The following CCDC141 variants were observed in gnomAD, a reference collection of about 807,000 sequenced individuals.
The protein encoded by CCDC141 is coiled-coil domain-containing protein 141.
Under a neutral mutation model 181.0 loss-of-function variants are expected in CCDC141, and 168 were observed. That is an observed-to-expected ratio of 0.93 (90% CI 0.82 to 1.05). CCDC141 has a LOEUF of 1.05. Among genes scored for constraint, CCDC141 ranks in the 50% least tolerant of loss-of-function variants. CCDC141 has a pLI of 0.00. For synonymous variants in CCDC141, 666 were observed against 642.3 expected (o/e 1.04, Z -0.56); for missense variants, 1,902 against 1,788.5 (o/e 1.06, Z -1.14).
chr2:178,903,816 T>C (rs1338459198), intron 8 of CCDC141, among the ~76,000 whole-genome samples: 3 of 151,378 alleles, frequency 2.0e-5, no homozygotes, highest in Non-Finnish European at 3.0e-5. Flanking sequence ...CCAGGGAACA[T>C]GCCGCAAGCA....
At chr2:179,008,121 T>C (rs2042164675) in intron 2 of CCDC141, among the ~76,000 whole-genome samples, 2 of 152,206 alleles carry the variant, frequency 1.3e-5, no homozygotes, top group South Asian at 4.2e-4. Context: ...CTGCTGAAAG[T>C]CTGAATAAAT....
At chr2:179,035,872 CAGG>C (rs1276969960) in intron 2 of CCDC141, among the ~76,000 whole-genome samples, 1 of 152,208 alleles carries the variant, frequency 6.6e-6, no homozygotes, top group African/African-American at 2.4e-5. Flanking sequence ...TCCCACTTCT[CAGG>C]AGGAGACATT....
intron 2 of CCDC141, among the ~76,000 whole-genome samples, chr2:178,987,455 A>T (rs1372053360): frequency 6.6e-6 from 1 of 152,210 alleles, no homozygotes; most frequent in Non-Finnish European, 1.5e-5. Flanking sequence ...AACAAAAGCC[A>T]AAATTGACAA....
In CCDC141 at chr2:178,868,062, G is replaced by C. The variant is rs553756414; in HGVS notation, c.2538C>G (p.Ser846=). ...RVDHLHRLAL[S]LGVDIISSVQ... is the part of the protein sequence containing the mutation. Reference sequence around the variant, plus strand: ...CTGATGAGATGATGTCGACTCCTAAGGAAAGGGCCAGTCTGTGGAGATGGT... The same window carrying C: ...CTGATGAGATGATGTCGACTCCTAACGAAAGGGCCAGTCTGTGGAGATGGT... Residue 846 remains serine, a synonymous_variant, in exon 16 of 24, where the codon TCC becomes TCG. Coordinates refer to ENST00000443758, the MANE Select transcript of CCDC141 (RefSeq NM_173648.4). 1 of 1,613,996 alleles carries C rather than the reference G, an allele frequency of 6.2e-7. No individual in the cohort carries two copies. The highest frequency in any genetic ancestry group is 1.7e-5 in the Admixed American group (1 of 60,008).
intron 22 of CCDC141, among the ~76,000 whole-genome samples, chr2:178,838,563 A>T (rs972296178): frequency 1.3e-5 from 2 of 152,190 alleles, no homozygotes; most frequent in African/African-American, 4.8e-5. Context: ...AAAAATATTT[A>T]TTGAGCACCT....
In CCDC141 at chr2:178,837,054, G is replaced by A. The variant is rs749439131; in HGVS notation, c.4165C>T (p.Arg1389Ter). Residue 1389 changes from arginine to a stop codon, truncating the protein, a stop_gained, in exon 23 of 24, where the codon CGA (arginine) becomes TGA (stop). Coordinates refer to ENST00000443758, the MANE Select transcript of CCDC141 (RefSeq NM_173648.4). LOFTEE classifies it high-confidence loss of function. ...GCTGATGTGCTTTTAATCTCTTCTC[G>A]AGGAACCATTTGCCTCTGATAGCCC... is the stretch of plus-strand genomic sequence containing the variant. ...SRGYQRQMVP[R>*]EEIKSTSAKS... The A allele has an allele frequency of 9.9e-6, 16 of 1,613,850 alleles. No homozygotes were observed. Among genetic ancestry groups the A allele is most frequent in the African/African-American group, 4.0e-5 (3 of 74,922 alleles).
chr2:178,850,079 C>G lies in CCDC141; in HGVS notation c.3327G>C (p.Glu1109Asp), dbSNP rs1266066439. The change falls in exon 21 of 24, where the codon GAG becomes GAC. Residue 1109 changes from glutamate (E) to aspartate (D), a missense_variant. Glu to Asp is a conservative substitution (Grantham distance 45, BLOSUM62 2). Transcript: ENST00000443758. ...GTTTTTCTTCGAGCTCTGTGAGGGA[C>G]TCACATAATTCAGTCACAGATTCAA... ...EVLESVTELCESLTELEEKLK... is the reference protein window; with the variant it reads ...EVLESVTELCDSLTELEEKLK... 6.2e-7 allele frequency: 1 copy of G among 1,605,618 alleles called. No homozygotes were observed.
rs1399634671 is a variant in CCDC141, at chr2:178,833,162, A to AT, written c.*1010dup. The AT allele has an allele frequency of 6.6e-6, 1 of 152,190 alleles. No individual in the cohort carries two copies. Among genetic ancestry groups the AT allele is most frequent in the East Asian group, 1.9e-4 (1 of 5,196 alleles). 9.4% of individuals were successfully genotyped at this position (152,190 alleles called of 1,614,324 possible). On this transcript the variant is annotated 3_prime_UTR_variant, in exon 24 of 24. Coordinates refer to ENST00000443758, the MANE Select transcript of CCDC141 (RefSeq NM_173648.4). ...ATTACATATTAACAGCACTCCTTTA[A>AT]TTTAATATTCTAAAAAAACAGCATC...
intron 2 of CCDC141, among the ~76,000 whole-genome samples, chr2:179,025,717 G>A (rs757468526): frequency 1.2e-4 from 19 of 152,236 alleles, no homozygotes; most frequent in Non-Finnish European, 2.5e-4. Context: ...ACAGGCAGGG[G>A]TTGGAAGAGT....
chr2:179,044,400 A>C (rs1051570329), intron 2 of CCDC141, among the ~76,000 whole-genome samples: 3 of 152,232 alleles, frequency 2.0e-5, no homozygotes, highest in African/African-American at 7.2e-5. Context: ...ACCCAACTTC[A>C]AACTATACTA....
At chr2:179,022,329 C>A (rs1017006928) in intron 2 of CCDC141, among the ~76,000 whole-genome samples, 1 of 152,162 alleles carries the variant, frequency 6.6e-6, no homozygotes, top group Non-Finnish European at 1.5e-5. Context: ...AAGAGAATAA[C>A]ACATTCCCTA....
the CCDC141 span, among the ~76,000 whole-genome samples, chr2:178,821,794 C>T: frequency 6.6e-6 from 1 of 152,186 alleles, no homozygotes; most frequent in African/African-American, 2.4e-5. Flanking sequence ...AATAGGAACA[C>T]TTTTACACTG....
chr2:178,905,333 A>G lies in CCDC141; in HGVS notation c.1261T>C (p.Cys421Arg). ...GQTLISQVDS[C>R]SSQVSGIHEM... ...AAAGAAATCAACTTTACTCACCTGC[A>G]GGAGTCTACTTGGCTGATTAAGGTT... Residue 421 changes from cysteine (C) to arginine (R), a missense_variant, in exon 8 of 24, where the codon TGC (cysteine) becomes CGC (arginine). Coordinates refer to ENST00000443758, the MANE Select transcript of CCDC141 (RefSeq NM_173648.4). 1 of 1,546,612 alleles carries G rather than the reference A, an allele frequency of 6.5e-7. No individual in the cohort carries two copies. Among genetic ancestry groups the G allele is most frequent in the Non-Finnish European group, 8.7e-7 (1 of 1,145,680 alleles).
chr2:178,925,631 G>T (rs955097557), intron 6 of CCDC141, among the ~76,000 whole-genome samples: 3 of 152,088 alleles, frequency 2.0e-5, no homozygotes, highest in African/African-American at 4.8e-5. Flanking sequence ...TTAGTGTCTT[G>T]TCCCTGTTTT....
intron 17 of CCDC141, among the ~76,000 whole-genome samples, chr2:178,858,881 C>T (rs1685492418): frequency 6.6e-6 from 1 of 152,084 alleles, no homozygotes. Flanking sequence ...TGGGAAAGTT[C>T]AATGTCTATT....
At chr2:178,875,975 T>G (rs79724244) in intron 12 of CCDC141, 1 of 152,186 alleles carries the variant, frequency 6.6e-6, no homozygotes, top group Non-Finnish European at 1.5e-5. Context: ...TCTTTTTTTT[T>G]GCAGTAAAGC....
At chr2:178,908,567 AC>A (rs1347722845) in intron 7 of CCDC141, among the ~76,000 whole-genome samples, 2 of 152,090 alleles carry the variant, frequency 1.3e-5, no homozygotes, top group African/African-American at 4.8e-5. Context: ...CCCTTAAATC[AC>A]CCTTAAAGTT....
chr2:179,045,190 G>A (rs1223025201), intron 2 of CCDC141, among the ~76,000 whole-genome samples: 2 of 141,126 alleles, frequency 1.4e-5, no homozygotes. Flanking sequence ...AGTCCCCAGA[G>A]TGTGATGTTC....
intron 2 of CCDC141, among the ~76,000 whole-genome samples, chr2:178,986,180 G>C (rs1559029220): frequency 6.6e-6 from 1 of 152,158 alleles, no homozygotes; most frequent in Admixed American, 6.5e-5. Flanking sequence ...ATCAATAAAT[G>C]TCATCCAGCA....
Sources: gnomAD v4.1 joint callset for allele counts (sites outside exome capture counted in the v4.1 genomes callset) on GRCh38, gnomAD v4.1.1 for gene constraint, MANE v1.5 for transcripts, NCBI Gene and HGNC (gene_info 2026-07-23, HGNC 2026-07-21) for gene names.